The following PACS1 variants were observed in gnomAD, a reference collection of about 807,000 sequenced individuals.
PACS1 encodes PACS-1.
Under a neutral mutation model 115.0 loss-of-function variants are expected in PACS1, and 24 were observed. That is an observed-to-expected ratio of 0.21 (90% CI 0.15 to 0.29). PACS1 has a LOEUF of 0.29. Among genes scored for constraint, PACS1 ranks in the 10% least tolerant of loss-of-function variants. The pLI is 1.00. For missense variants in PACS1, 838 were observed against 1,251.2 expected, an observed-to-expected ratio of 0.67 and a Z score of 4.98; for synonymous variants, 453 against 504.5, an observed-to-expected ratio of 0.90 and a Z score of 1.37.
At chr11:66,145,328 G>A (rs544893775) in intron 1 of PACS1, among the ~76,000 whole-genome samples, 3 of 152,274 alleles carry the variant, frequency 2.0e-5, no homozygotes, top group Non-Finnish European at 2.9e-5. Flanking sequence ...AAAACTAACA[G>A]CTTGGCTGCC....
intron 8 of PACS1, chr11:66,220,327 G>A (rs1158067955): frequency 5.2e-6 from 2 of 383,416 alleles, no homozygotes; most frequent in Non-Finnish European, 9.5e-6. Flanking sequence ...TCGCCTTCCT[G>A]TGAGCTGTAA....
intron 1 of PACS1, among the ~76,000 whole-genome samples, chr11:66,093,157 GTTC>G (rs1231570560): frequency 2.0e-5 from 3 of 152,288 alleles, no homozygotes; most frequent in East Asian, 3.9e-4. Flanking sequence ...AGCATGGAAT[GTTC>G]TTCTATTTGT....
chr11:66,098,789 C>T (rs1370149559), intron 1 of PACS1, among the ~76,000 whole-genome samples: 2 of 152,164 alleles, frequency 1.3e-5, no homozygotes, highest in African/African-American at 2.4e-5. Context: ...GTTAGATATC[C>T]TGTAGGGTGA....
intron 1 of PACS1, among the ~76,000 whole-genome samples, chr11:66,112,555 G>C (rs978651744): frequency 6.6e-6 from 1 of 152,106 alleles, no homozygotes; most frequent in Non-Finnish European, 1.5e-5. Context: ...GATTTTGTTT[G>C]TGTGTTTTAC....
At chr11:66,158,098 C>G (rs1041208126) in intron 1 of PACS1, among the ~76,000 whole-genome samples, 6 of 152,154 alleles carry the variant, frequency 3.9e-5, no homozygotes, top group Non-Finnish European at 7.3e-5. Context: ...TCCCGAGTAA[C>G]TGAGACTACA....
chr11:66,159,817 A>G (rs1182461349), intron 1 of PACS1, among the ~76,000 whole-genome samples: 1 of 152,214 alleles, frequency 6.6e-6, no homozygotes, highest in Admixed American at 6.5e-5. Context: ...TTAGAAAAAG[A>G]TCTGGCAACA....
intron 1 of PACS1, among the ~76,000 whole-genome samples, chr11:66,139,386 A>G (rs1416131285): frequency 6.6e-6 from 1 of 152,080 alleles, no homozygotes; most frequent in Admixed American, 6.6e-5. Context: ...ATTATTTTGT[A>G]CTATAGTCAC....
intron 21 of PACS1, 128 bp from the exon 22 acceptor site, chr11:66,241,299 G>A (rs1045166536): frequency 3.1e-6 from 2 of 637,300 alleles, no homozygotes; most frequent in South Asian, 2.1e-5. Flanking sequence ...TGTGTGGCTG[G>A]AGGGAACAGA....
chr11:66,220,881 C>T (rs1160652765), intron 9 of PACS1, 90 bp downstream of exon 9: 4 of 1,378,154 alleles, frequency 2.9e-6, no homozygotes, highest in African/African-American at 1.4e-5. Context: ...CCTCTATTAC[C>T]AGAGAATCTT....
intron 1 of PACS1, among the ~76,000 whole-genome samples, chr11:66,073,041 T>C (rs1032823021): frequency 3.9e-5 from 6 of 152,268 alleles, no homozygotes; most frequent in Non-Finnish European, 8.8e-5. Flanking sequence ...GGCGGACTTA[T>C]TTTTACATTC....
Position 66,070,422 on chromosome 11 carries a change from G to A in PACS1, c.-65G>A, listed in dbSNP as rs1038939954. The A allele has an allele frequency of 1.9e-6, 2 of 1,041,476 alleles. No individual in the cohort carries two copies. The highest frequency in any genetic ancestry group is 1.2e-6 in the Non-Finnish European group (1 of 823,862). 64.5% of individuals were successfully genotyped at this position (1,041,476 alleles called of 1,614,324 possible). ...CTGCCGCGCCCCCGCCGCCGCCGCC[G>A]CGGGGGAAGCCTGGGAGCCAGATCG... is the stretch of plus-strand genomic sequence containing the variant. On this transcript the variant is annotated 5_prime_UTR_variant, in exon 1 of 24. Coordinates refer to ENST00000320580, the MANE Select transcript of PACS1 (RefSeq NM_018026.4). This position sits in a 1 kb window ranked among gnomAD's most constrained non-coding sequence, Gnocchi z 5.9.
chr11:66,222,807 T>C (rs1446898058), intron 10 of PACS1, among the ~76,000 whole-genome samples: 1 of 151,932 alleles, frequency 6.6e-6, no homozygotes, highest in South Asian at 2.1e-4. Context: ...GAAACCACCT[T>C]CTCTTGGGGC....
intron 1 of PACS1, among the ~76,000 whole-genome samples, chr11:66,143,811 T>C (rs551550707): frequency 7.9e-5 from 12 of 152,240 alleles, no homozygotes; most frequent in Admixed American, 4.6e-4. Flanking sequence ...GGCTAATTAT[T>C]GTATTTTTAG....
At chr11:66,222,895 C>T (rs535888288) in intron 10 of PACS1, among the ~76,000 whole-genome samples, 95 of 151,926 alleles carry the variant, frequency 6.3e-4, no homozygotes, top group Admixed American at 1.0e-3. Flanking sequence ...CTTAGGACAG[C>T]GCCCCACGTG....
intron 1 of PACS1, among the ~76,000 whole-genome samples, chr11:66,081,046 T>C (rs1008548237): frequency 1.3e-5 from 2 of 151,912 alleles, no homozygotes; most frequent in African/African-American, 2.4e-5. Flanking sequence ...CTGGGCAACA[T>C]AGGGAGACCC....
intron 10 of PACS1, among the ~76,000 whole-genome samples, chr11:66,225,486 C>G (rs1477712584): frequency 6.6e-6 from 1 of 152,198 alleles, no homozygotes; most frequent in Non-Finnish European, 1.5e-5. Flanking sequence ...CAGGTGTCCT[C>G]TAAGCCCAAT....
chr11:66,196,723 G>T (rs1035804670), intron 2 of PACS1, among the ~76,000 whole-genome samples: 3 of 152,014 alleles, frequency 2.0e-5, no homozygotes, highest in Non-Finnish European at 2.9e-5. Flanking sequence ...TCAGCCTCCT[G>T]AGTAGCTGGG....
intron 1 of PACS1, among the ~76,000 whole-genome samples, chr11:66,119,278 G>T (rs1465479236): frequency 6.6e-6 from 1 of 152,204 alleles, no homozygotes; most frequent in African/African-American, 2.4e-5. Context: ...TTTGTGACAT[G>T]TGAAAATTAT....
chr11:66,112,982 T>C (rs1211514360), intron 1 of PACS1, among the ~76,000 whole-genome samples: 2 of 152,206 alleles, frequency 1.3e-5, no homozygotes, highest in Non-Finnish European at 2.9e-5. Context: ...TCCATTGATA[T>C]GAAATTCTAG....
Sources: gnomAD v4.1 joint callset for allele counts (sites outside exome capture counted in the v4.1 genomes callset) on GRCh38, gnomAD v4.1.1 for gene constraint, Gnocchi (gnomAD v3.1) non-coding constraint, MANE v1.5 for transcripts, NCBI Gene and HGNC (gene_info 2026-07-23, HGNC 2026-07-21) for gene names.